TAFA1: variants seen among roughly 807,000 people sequenced by gnomAD.
TAFA1 encodes the protein TAFA chemokine like family member 1, also known as chemokine-like protein TAFA-1.
In TAFA1, 4 loss-of-function variants were observed where a neutral mutation model predicts 18.5. The ratio of observed to expected loss-of-function variants is 0.22; its 90% CI spans 0.11 to 0.49. The LOEUF (loss-of-function observed/expected upper bound fraction) is 0.49. TAFA1 is among the 20% of genes least tolerant of loss of function. The pLI, the probability that TAFA1 is intolerant of heterozygous loss-of-function variation, is 0.98. For synonymous variants in TAFA1, 56 were observed against 55.2 expected, an observed-to-expected ratio of 1.01 and a Z score of -0.06; for missense variants, 147 against 169.0, an observed-to-expected ratio of 0.87 and a Z score of 0.72.
At chr3:68,042,878 CTTTTG>C (rs955627970) in intron 2 of TAFA1, among the ~76,000 whole-genome samples, 13 of 151,930 alleles carry the variant, frequency 8.6e-5, no homozygotes, top group African/African-American at 2.4e-4. Context: ...TTGTGCCATT[CTTTTG>C]TTTTGTTTTG....
chr3:68,173,633 A>G (rs1002632449), intron 2 of TAFA1, among the ~76,000 whole-genome samples: 3 of 152,218 alleles, frequency 2.0e-5, no homozygotes, highest in Admixed American at 6.5e-5. Flanking sequence ...GAGTACATTT[A>G]TAGAATGGGG....
intron 2 of TAFA1, chr3:68,247,809 A>C (rs1214036433): frequency 6.7e-6 from 1 of 149,224 alleles, no homozygotes. Flanking sequence ...AGCTCTGGTG[A>C]GTATGTTGAG....
In TAFA1 at chr3:68,271,502, G is replaced by A. The variant is rs138310747; in HGVS notation, c.119-145778G>A. ...ACTGGGGTATTATTCCAAGAAGAAA[G>A]AAAGAATGTTGGGTGGGAAAAACAG... On this transcript the variant is annotated intron_variant, in intron 2 of 4. Transcript: ENST00000478136. 4.8e-3 allele frequency among the ~76,000 whole-genome samples: 731 copies of A among 152,254 alleles called. 3 individuals carry two copies. Among genetic ancestry groups the A allele is most frequent in the Non-Finnish European group, 7.9e-3 (537 of 67,998 alleles).
At chr3:68,291,362 T>G (rs756827346) in intron 2 of TAFA1, among the ~76,000 whole-genome samples, 1 of 151,762 alleles carries the variant, frequency 6.6e-6, no homozygotes, top group African/African-American at 2.4e-5. Flanking sequence ...TATTTACATA[T>G]TTTTTTTACA....
chr3:68,078,540 G>A (rs1019360114), intron 2 of TAFA1, among the ~76,000 whole-genome samples: 2 of 152,042 alleles, frequency 1.3e-5, no homozygotes, highest in African/African-American at 2.4e-5. Flanking sequence ...AATTTTGTCA[G>A]AGGCCTTTTC....
intron 2 of TAFA1, among the ~76,000 whole-genome samples, chr3:68,386,947 T>A (rs1214008522): frequency 6.6e-6 from 1 of 152,172 alleles, no homozygotes; most frequent in East Asian, 1.9e-4. Flanking sequence ...CTCTTGTGTG[T>A]ATTGGTTTGA....
intron 2 of TAFA1, among the ~76,000 whole-genome samples, chr3:68,274,840 C>G (rs936704675): frequency 6.6e-6 from 1 of 152,150 alleles, no homozygotes; most frequent in African/African-American, 2.4e-5. Flanking sequence ...CTCTCTGTTT[C>G]TCTTTCTTTC....
chr3:68,155,448 G>C (rs1046490547), intron 2 of TAFA1, among the ~76,000 whole-genome samples: 5 of 152,240 alleles, frequency 3.3e-5, no homozygotes, highest in South Asian at 4.2e-4. Context: ...TTACAGATGA[G>C]GGTATGGAAG....
At chr3:68,031,209 A>G (rs1209982569) in intron 2 of TAFA1, among the ~76,000 whole-genome samples, 9 of 152,210 alleles carry the variant, frequency 5.9e-5, no homozygotes, top group African/African-American at 1.9e-4. Context: ...TTTAATACAA[A>G]CATTATTATA....
At position 68,381,356 on chromosome 3, in the gene TAFA1, T is replaced by A. The variant is rs955740374; in HGVS notation, c.119-35924T>A. ...ATGGCATTGAATCTATAAATTACCT[T>A]GGGCAGTATGGCCATTTTCATGATA... On this transcript the variant is annotated intron_variant, in intron 2 of 4. Coordinates refer to ENST00000478136, the MANE Select transcript of TAFA1 (RefSeq NM_213609.4). Among the ~76,000 whole-genome samples the A allele has an allele frequency of 6.6e-5, 10 of 151,716 alleles. No homozygotes were observed. The South Asian group carries it at 1.5e-3, about 22-fold the overall frequency.
At chr3:68,254,131 ATGTATCTATCTATCTATCTATCTATCTG>A (rs2067249566) in intron 2 of TAFA1, among the ~76,000 whole-genome samples, 2 of 134,556 alleles carry the variant, frequency 1.5e-5, no homozygotes, top group African/African-American at 3.0e-5. Flanking sequence ...GTATGTATGT[ATGTATCTATCTATCTATCTATCTATCTG>A]TCTATCTATC....
intron 2 of TAFA1, among the ~76,000 whole-genome samples, chr3:68,320,228 A>G (rs1185856261): frequency 1.3e-5 from 2 of 152,226 alleles, no homozygotes; most frequent in South Asian, 2.1e-4. Context: ...AAGCAGTTTG[A>G]GAACAAGGCT....
chr3:68,379,141 T>C (rs1476297202), intron 2 of TAFA1, among the ~76,000 whole-genome samples: 2 of 152,206 alleles, frequency 1.3e-5, no homozygotes, highest in East Asian at 3.9e-4. Flanking sequence ...AGTATAAGCA[T>C]TACTTTTTCT....
intron 3 of TAFA1, among the ~76,000 whole-genome samples, chr3:68,508,687 C>A (rs2072801302): frequency 6.6e-6 from 1 of 151,958 alleles, no homozygotes; most frequent in South Asian, 2.1e-4. Flanking sequence ...TGAGGGAAAT[C>A]AGACAAAAAT....
chr3:68,522,453 G>A (rs1374863820), intron 3 of TAFA1, among the ~76,000 whole-genome samples: 4 of 152,150 alleles, frequency 2.6e-5, no homozygotes, highest in African/African-American at 2.4e-5. Context: ...TGGCCATTCC[G>A]ATTTACTGAA....
At chr3:68,145,983 C>T (rs2065735603) in intron 2 of TAFA1, among the ~76,000 whole-genome samples, 1 of 152,144 alleles carries the variant, frequency 6.6e-6, no homozygotes, top group African/African-American at 2.4e-5. Context: ...CCCTCCCTGT[C>T]CCTCAAGCTT....
At chr3:68,433,800 G>A (rs534958451) in intron 3 of TAFA1, among the ~76,000 whole-genome samples, 3 of 152,124 alleles carry the variant, frequency 2.0e-5, no homozygotes, top group Non-Finnish European at 4.4e-5. Flanking sequence ...AGAGCACTTA[G>A]CACAGAATTA....
chr3:68,185,658 C>A (rs529234950), intron 2 of TAFA1, among the ~76,000 whole-genome samples: 2 of 151,940 alleles, frequency 1.3e-5, no homozygotes, highest in Non-Finnish European at 2.9e-5. Flanking sequence ...ACCTGTAATC[C>A]CAGCACTTTG....
chr3:68,461,278 C>G (rs1488785607), intron 3 of TAFA1, among the ~76,000 whole-genome samples: 1 of 121,568 alleles, frequency 8.2e-6, no homozygotes, highest in African/African-American at 2.9e-5. Flanking sequence ...TGAGACTCTG[C>G]CAAAAAACAA....
Sources: allele counts gnomAD v4.1 joint callset (sites outside exome capture counted in the v4.1 genomes callset), GRCh38; gene constraint gnomAD v4.1.1; transcripts MANE v1.5; gene names NCBI Gene and HGNC (gene_info 2026-07-23, HGNC 2026-07-21).